The following RTN1 variants were observed in gnomAD, a reference collection of about 807,000 sequenced individuals.
RTN1 encodes the protein reticulon 1, also known as reticulon-1.
A neutral mutation model predicts 65.5 loss-of-function variants in RTN1; 25 were observed. The observed-to-expected ratio is 0.38, with a 90% CI of 0.28 to 0.53. RTN1 has a LOEUF of 0.53. RTN1 is among the 20% of genes least tolerant of loss of function. The probability of loss-of-function intolerance (pLI) is 0.79; values close to 1 mark genes in which losing one functional copy is unlikely to be tolerated. For synonymous variants in RTN1, 471 were observed against 447.6 expected, an observed-to-expected ratio of 1.05 and a Z score of -0.66; for missense variants, 983 against 1,025.4, an observed-to-expected ratio of 0.96 and a Z score of 0.57.
At chr14:59,730,183 C>T (rs1342667481) in intron 2 of RTN1, among the ~76,000 whole-genome samples, 2 of 152,108 alleles carry the variant, frequency 1.3e-5, no homozygotes, top group Admixed American at 1.3e-4. Context: ...ATTATTTGAC[C>T]TGAATTTGAA....
chr14:59,749,959 TATATATTATATAC>T (rs1198829737), intron 1 of RTN1, among the ~76,000 whole-genome samples: 4 of 100,922 alleles, frequency 4.0e-5, no homozygotes, highest in Admixed American at 1.7e-4. Flanking sequence ...ATATGTTATA[TATATATTATATAC>T]ATATATTATA....
chr14:59,661,475 T>C (rs1883246530), intron 3 of RTN1, among the ~76,000 whole-genome samples: 1 of 152,138 alleles, frequency 6.6e-6, no homozygotes, highest in Non-Finnish European at 1.5e-5. Flanking sequence ...CCAATATCCC[T>C]GATGAACATC....
chr14:59,799,584 T>C (rs912861497), intron 1 of RTN1, among the ~76,000 whole-genome samples: 1 of 152,232 alleles, frequency 6.6e-6, no homozygotes, highest in African/African-American at 2.4e-5. Context: ...TAATGCATAA[T>C]TTTAGAATAA....
Position 59,829,956 on chromosome 14 carries a change from T to G in RTN1, c.241+40434A>C, listed in dbSNP as rs1294610855. On this transcript the variant is annotated intron_variant, in intron 1 of 8. Transcript: ENST00000267484. The surrounding 1 kb of genome is among the most constrained non-coding windows in gnomAD (Gnocchi z 4.3). ...AAACTGTATGCTGAGTCATTGGGGT[T>G]TGAGAGTTTTTTATTTTAAAAAAAT... is the stretch of plus-strand genomic sequence containing the variant. Among the ~76,000 whole-genome samples the G allele has an allele frequency of 1.3e-5, 2 of 152,186 alleles. No individual in the cohort carries two copies. The highest frequency in any genetic ancestry group is 2.9e-5 in the Non-Finnish European group (2 of 68,028).
intron 1 of RTN1, among the ~76,000 whole-genome samples, chr14:59,756,554 A>T (rs910802493): frequency 6.6e-6 from 1 of 152,162 alleles, no homozygotes; most frequent in Non-Finnish European, 1.5e-5. Flanking sequence ...AGAGGGCTCT[A>T]AATTTCCTTT....
At chr14:59,753,338 A>G (rs1188358415) in intron 1 of RTN1, among the ~76,000 whole-genome samples, 1 of 152,204 alleles carries the variant, frequency 6.6e-6, no homozygotes, top group Non-Finnish European at 1.5e-5. Context: ...ACCACACTCT[A>G]AAAATACTGC....
chr14:59,794,866 C>T lies in RTN1; in HGVS notation c.242-48385G>A, dbSNP rs937418110. 2.0e-5 allele frequency among the ~76,000 whole-genome samples: 3 copies of T among 152,150 alleles called. No individual in the cohort carries two copies. Among genetic ancestry groups the T allele is most frequent in the African/African-American group, 7.2e-5 (3 of 41,432 alleles). ...GGAGGCTGAGATATGTCATTTTTAT[C>T]TAGGTATCCAAATGTCTAGCAAAAA... On this transcript the variant is annotated intron_variant, in intron 1 of 8. Transcript: ENST00000267484. This position sits in a 1 kb window ranked among gnomAD's most constrained non-coding sequence, Gnocchi z 5.1.
rs962878460 is a variant in RTN1, at chr14:59,816,894, C to G, written c.241+53496G>C. On this transcript the variant is annotated intron_variant, in intron 1 of 8. Coordinates refer to ENST00000267484, the MANE Select transcript of RTN1 (RefSeq NM_021136.3). The surrounding 1 kb of genome is among the most constrained non-coding windows in gnomAD (Gnocchi z 4.3). Reference sequence around the variant, plus strand: ...GTTGCAGTGAGTCGAGATCGCGCCACTGTACTCCAGCCTGGGTGACAGAAA... The same window carrying G: ...GTTGCAGTGAGTCGAGATCGCGCCAGTGTACTCCAGCCTGGGTGACAGAAA... Among the ~76,000 whole-genome samples, 2 of 152,132 alleles carry G rather than the reference C, an allele frequency of 1.3e-5. No homozygotes were observed. The highest frequency in any genetic ancestry group is 4.8e-5 in the African/African-American group (2 of 41,428).
At chr14:59,673,383 C>T (rs60797966) in intron 3 of RTN1, among the ~76,000 whole-genome samples, 2,705 of 152,220 alleles carry the variant, frequency 0.018, 73 homozygotes, top group African/African-American at 0.061. Context: ...GGGTGTGTTA[C>T]AGCTGTCTTG....
chr14:59,809,930 A>G (rs951088668), intron 1 of RTN1, among the ~76,000 whole-genome samples: 12 of 152,144 alleles, frequency 7.9e-5, no homozygotes, highest in Admixed American at 7.2e-4. Context: ...GCACTTTTAA[A>G]TTTCCTCTCA....
chr14:59,653,153 T>A (rs760839289), intron 3 of RTN1, among the ~76,000 whole-genome samples: 3 of 151,922 alleles, frequency 2.0e-5, no homozygotes, highest in Non-Finnish European at 4.4e-5. Context: ...AGACAGAAAT[T>A]TGGAAAGGAG....
At chr14:59,726,798 TG>T in intron 3 of RTN1, 120 bp downstream of exon 3, 1 of 827,318 alleles carries the variant, frequency 1.2e-6, no homozygotes, top group Non-Finnish European at 1.9e-6. Flanking sequence ...AACCGTTCTC[TG>T]GTCAACTGTT....
chr14:59,858,709 G>A (rs1168335632), intron 1 of RTN1, among the ~76,000 whole-genome samples: 1 of 151,986 alleles, frequency 6.6e-6, no homozygotes, highest in East Asian at 1.9e-4. Context: ...AAGCAACCCA[G>A]GAAACATAGT....
At chr14:59,728,273 TTGC>T (rs1276201075) in intron 2 of RTN1, among the ~76,000 whole-genome samples, 1,918 of 125,922 alleles carry the variant, frequency 0.015, 47 homozygotes, top group African/African-American at 0.06. Context: ...TTTTTTTTTT[TTGC>T]AACTAAGTGG....
At chr14:59,658,588 C>G (rs771129398) in intron 3 of RTN1, among the ~76,000 whole-genome samples, 12 of 152,210 alleles carry the variant, frequency 7.9e-5, no homozygotes, top group Non-Finnish European at 1.2e-4. Flanking sequence ...GATACCCAGG[C>G]AAACAGGGTC....
At chr14:59,677,981 T>G (rs1326340001) in intron 3 of RTN1, among the ~76,000 whole-genome samples, 4 of 152,158 alleles carry the variant, frequency 2.6e-5, no homozygotes, top group Admixed American at 2.0e-4. Context: ...CTTTTCTCAC[T>G]CCCAGGATCT....
At chr14:59,805,859 T>C (rs1479678707) in intron 1 of RTN1, among the ~76,000 whole-genome samples, 1 of 152,196 alleles carries the variant, frequency 6.6e-6, no homozygotes, top group Non-Finnish European at 1.5e-5. Flanking sequence ...TTTCATTTTG[T>C]TTACTGAATT....
chr14:59,667,650 G>T (rs541907160), intron 3 of RTN1, among the ~76,000 whole-genome samples: 100 of 152,250 alleles, frequency 6.6e-4, no homozygotes, highest in African/African-American at 2.4e-3. Flanking sequence ...TATTCAATTA[G>T]GAAATGAGGA....
At chr14:59,694,566 C>T (rs895932627) in intron 3 of RTN1, among the ~76,000 whole-genome samples, 1 of 152,096 alleles carries the variant, frequency 6.6e-6, no homozygotes, top group African/African-American at 2.4e-5. Flanking sequence ...TTGCACGGTG[C>T]AAAAACATTA....
Sources: allele counts gnomAD v4.1 joint callset (sites outside exome capture counted in the v4.1 genomes callset), GRCh38; gene constraint gnomAD v4.1.1; non-coding constraint Gnocchi (gnomAD v3.1); transcripts MANE v1.5; gene names NCBI Gene and HGNC (gene_info 2026-07-23, HGNC 2026-07-21).